The following DSCAM variants were observed in gnomAD, a reference collection of about 807,000 sequenced individuals.
DSCAM encodes DS cell adhesion molecule.
DSCAM carries 47 observed loss-of-function variants against 217.7 expected under a neutral mutation model. The ratio of observed to expected loss-of-function variants is 0.22; its 90% CI spans 0.17 to 0.28. DSCAM has a LOEUF of 0.28. DSCAM is among the 10% of genes least tolerant of loss of function. The probability of loss-of-function intolerance (pLI) is 1.00; values close to 1 mark genes in which losing one functional copy is unlikely to be tolerated. For synonymous variants in DSCAM, 1,056 were observed against 1,015.3 expected (o/e 1.04, Z -0.76); for missense variants, 2,080 against 2,618.3 (o/e 0.79, Z 4.49).
chr21:40,157,930 G>A (rs1409769505), intron 16 of DSCAM, among the ~76,000 whole-genome samples: 1 of 152,058 alleles, frequency 6.6e-6, no homozygotes, highest in African/African-American at 2.4e-5. Context: ...GTGGGCTCAA[G>A]CAATCCTCCC....
chr21:40,485,315 T>G (rs969435591), intron 3 of DSCAM, among the ~76,000 whole-genome samples: 1 of 147,050 alleles, frequency 6.8e-6, no homozygotes, highest in African/African-American at 2.5e-5. Flanking sequence ...CGATCTCGGC[T>G]CACTGCAAGC....
intron 9 of DSCAM, among the ~76,000 whole-genome samples, chr21:40,304,004 G>A (rs2074044391): frequency 2.0e-5 from 3 of 152,168 alleles, no homozygotes; most frequent in Admixed American, 6.5e-5. Context: ...CTTTCATGAA[G>A]CCTAATGCGT....
intron 5 of DSCAM, among the ~76,000 whole-genome samples, chr21:40,351,432 C>T (rs1289378719): frequency 3.9e-5 from 6 of 152,188 alleles, no homozygotes; most frequent in Non-Finnish European, 8.8e-5. Flanking sequence ...TGAAAGAAAG[C>T]TGGTTGACAC....
intron 1 of DSCAM, among the ~76,000 whole-genome samples, chr21:40,753,465 A>C (rs1335330193): frequency 6.6e-6 from 1 of 152,258 alleles, no homozygotes; most frequent in Non-Finnish European, 1.5e-5. Flanking sequence ...GGAAAGATGA[A>C]GCAACACATT....
At position 40,012,446 on chromosome 21, in the gene DSCAM, T is replaced by C. The variant is rs1260200897; in HGVS notation, c.*588A>G. On this transcript the variant is annotated 3_prime_UTR_variant, in exon 33 of 33. Coordinates refer to ENST00000400454, the MANE Select transcript of DSCAM (RefSeq NM_001389.5). Reference sequence around the variant, plus strand: ...GACAACCTTTTCTTTTTTATTTCGCTTAGACAAAATGCAAAGAGTGTCTCA... The same window carrying C: ...GACAACCTTTTCTTTTTTATTTCGCCTAGACAAAATGCAAAGAGTGTCTCA... The C allele has an allele frequency of 6.6e-6, 1 of 152,116 alleles. No homozygotes were observed. The highest frequency in any genetic ancestry group is 1.5e-5 in the Non-Finnish European group (1 of 68,046). 9.4% of individuals were successfully genotyped at this position (152,116 alleles called of 1,614,324 possible).
chr21:40,061,466 G>A (rs1381490560), intron 28 of DSCAM, among the ~76,000 whole-genome samples: 1 of 151,882 alleles, frequency 6.6e-6, no homozygotes, highest in Non-Finnish European at 1.5e-5. Context: ...CTCCTCGGGA[G>A]GCTGAGGCAG....
At chr21:40,211,018 G>T (rs1427807148) in intron 11 of DSCAM, among the ~76,000 whole-genome samples, 2 of 152,216 alleles carry the variant, frequency 1.3e-5, no homozygotes, top group Non-Finnish European at 2.9e-5. Context: ...GTCTGTGTTT[G>T]CACCTGGCCC....
Position 40,392,952 on chromosome 21 carries a change from C to T in DSCAM, c.509-23707G>A, listed in dbSNP as rs536911725. 7.9e-5 allele frequency among the ~76,000 whole-genome samples: 12 copies of T among 152,190 alleles called. No homozygotes were observed. In the South Asian group the frequency reaches 2.3e-3, roughly 29 times the overall value. On this transcript the variant is annotated intron_variant, in intron 3 of 32. Transcript: ENST00000400454. Reference sequence around the variant, plus strand: ...TACAATTCAACCCCCAAATCAAGTACTAAAAAGATCAATGAGCTGATACAC... The same window carrying T: ...TACAATTCAACCCCCAAATCAAGTATTAAAAAGATCAATGAGCTGATACAC...
intron 16 of DSCAM, among the ~76,000 whole-genome samples, chr21:40,161,891 T>C (rs1052034286): frequency 5.3e-5 from 8 of 152,178 alleles, no homozygotes; most frequent in African/African-American, 1.9e-4. Flanking sequence ...CTTTTTGAAT[T>C]TCAGTTGATA....
chr21:40,401,474 A>T (rs1432802397), intron 3 of DSCAM, among the ~76,000 whole-genome samples: 2 of 152,224 alleles, frequency 1.3e-5, no homozygotes, highest in Non-Finnish European at 1.5e-5. Context: ...TGGATCCCGC[A>T]GCCTTGACAC....
chr21:40,081,449 C>T (rs2089456239), intron 24 of DSCAM, among the ~76,000 whole-genome samples: 1 of 152,090 alleles, frequency 6.6e-6, no homozygotes, highest in Admixed American at 6.6e-5. Context: ...CAGTATCTCC[C>T]CTACTCCTTT....
At chr21:40,063,412 T>C (rs2089153885) in intron 27 of DSCAM, among the ~76,000 whole-genome samples, 1 of 152,122 alleles carries the variant, frequency 6.6e-6, no homozygotes, top group South Asian at 2.1e-4. Context: ...CTTTATTTTT[T>C]TTTTCTCTGA....
chr21:40,654,862 T>C (rs1341121817), intron 3 of DSCAM, among the ~76,000 whole-genome samples: 2 of 152,170 alleles, frequency 1.3e-5, no homozygotes, highest in Non-Finnish European at 2.9e-5. Context: ...AGGTGAAATA[T>C]TCACCTTCCA....
intron 3 of DSCAM, among the ~76,000 whole-genome samples, chr21:40,548,698 G>A (rs1267204440): frequency 6.6e-6 from 1 of 151,954 alleles, no homozygotes; most frequent in Non-Finnish European, 1.5e-5. Context: ...GTGTTTGAAA[G>A]GCCAGGGTCA....
intron 1 of DSCAM, among the ~76,000 whole-genome samples, chr21:40,786,338 AAG>A (rs2091594415): frequency 6.6e-6 from 1 of 152,078 alleles, no homozygotes; most frequent in African/African-American, 2.4e-5. Context: ...GAAAGGAAGA[AAG>A]AGAAAGAAAG....
chr21:40,349,275 A>C (rs8134604), intron 5 of DSCAM, among the ~76,000 whole-genome samples: 110,327 of 151,162 alleles, frequency 0.73, 40,682 homozygotes, highest in African/African-American at 0.82. Context: ...CACATGTATG[A>C]CATATGTGGT....
At chr21:40,286,808 C>G (rs1483813538) in intron 10 of DSCAM, among the ~76,000 whole-genome samples, 1 of 144,128 alleles carries the variant, frequency 6.9e-6, no homozygotes, top group Non-Finnish European at 1.5e-5. Context: ...CTGCAGGTAT[C>G]TGCAGTGTGA....
intron 8 of DSCAM, among the ~76,000 whole-genome samples, chr21:40,321,959 C>T (rs1252853201): frequency 1.3e-5 from 2 of 152,310 alleles, no homozygotes; most frequent in East Asian, 1.9e-4. Context: ...GTTTCAGGCG[C>T]TAGACCCTTT....
intron 3 of DSCAM, among the ~76,000 whole-genome samples, chr21:40,520,596 C>T (rs2076350944): frequency 6.6e-6 from 1 of 152,054 alleles, no homozygotes; most frequent in Admixed American, 6.6e-5. Context: ...ATCACGAGAT[C>T]AGGAGTTCGA....
Sources: allele counts gnomAD v4.1 joint callset (sites outside exome capture counted in the v4.1 genomes callset), GRCh38; gene constraint gnomAD v4.1.1; transcripts MANE v1.5; gene names NCBI Gene and HGNC (gene_info 2026-07-23, HGNC 2026-07-21).